Variants in GRM7 observed in about 807,000 individuals in gnomAD.
GRM7 encodes metabotropic glutamate receptor 7.
A neutral mutation model predicts 84.5 loss-of-function variants in GRM7; 35 were observed. The observed-to-expected ratio is 0.41, with a 90% CI of 0.32 to 0.55. The LOEUF (loss-of-function observed/expected upper bound fraction) is 0.55, where lower values mean the gene tolerates loss of function less well. GRM7 is among the 20% of genes least tolerant of loss of function. GRM7 has a pLI of 0.19. For missense variants in GRM7, 1,003 were observed against 1,194.6 expected (o/e 0.84, Z 2.36); for synonymous variants, 487 against 455.1 (o/e 1.07, Z -0.89).
intron 9 of GRM7, among the ~76,000 whole-genome samples, chr3:7,731,614 G>C (rs1165107928): frequency 6.6e-6 from 1 of 152,144 alleles, no homozygotes; most frequent in African/African-American, 2.4e-5. Context: ...AGGCCACCAG[G>C]CTAGGAGGAG....
chr3:7,545,551 G>GT (rs935986095), intron 7 of GRM7, among the ~76,000 whole-genome samples: 1 of 152,152 alleles, frequency 6.6e-6, no homozygotes, highest in Non-Finnish European at 1.5e-5. Context: ...TATTCAGCTT[G>GT]TTTTTTAACC....
At chr3:7,630,197 G>A (rs1697804411) in intron 8 of GRM7, among the ~76,000 whole-genome samples, 1 of 152,188 alleles carries the variant, frequency 6.6e-6, no homozygotes, top group Non-Finnish European at 1.5e-5. Context: ...GGCTGGGGAT[G>A]GTGATGGTGG....
At chr3:7,467,913 A>G (rs1250919778) in intron 7 of GRM7, among the ~76,000 whole-genome samples, 1 of 152,214 alleles carries the variant, frequency 6.6e-6, no homozygotes, top group African/African-American at 2.4e-5. Context: ...ATTTTATTAA[A>G]CTGAGGTGAT....
intron 7 of GRM7, among the ~76,000 whole-genome samples, chr3:7,541,095 G>C (rs1411559523): frequency 1.3e-5 from 2 of 152,068 alleles, no homozygotes; most frequent in African/African-American, 2.4e-5. Flanking sequence ...GGAAAAGTCA[G>C]GAGTTTGGCA....
At chr3:7,490,286 T>C (rs1699473612) in intron 7 of GRM7, among the ~76,000 whole-genome samples, 1 of 152,180 alleles carries the variant, frequency 6.6e-6, no homozygotes, top group Non-Finnish European at 1.5e-5. Flanking sequence ...AAAAATAAAG[T>C]TATAGCACAA....
rs997851924 is a variant in GRM7 at position 7,298,722 on chromosome 3, G to A, written c.775G>A (p.Glu259Lys). The change falls in exon 3 of 10, where the codon GAA (glutamate) becomes AAA (lysine). Residue 259 changes from glutamate to lysine, a missense_variant. This residue lies in a region of GRM7 where 910 missense variants were observed against 1,126.0 expected (regional missense o/e 0.81). Coordinates refer to ENST00000357716, the MANE Select transcript of GRM7 (RefSeq NM_000844.4). ...TGCCCAGTCCGTGAGAATCCCCCAG[G>A]AACGCAAAGACAGGACCATTGACTT... ...CIAQSVRIPQ[E>K]RKDRTIDFDR... The A allele has an allele frequency of 8.7e-6, 14 of 1,613,260 alleles. No individual in the cohort carries two copies. The highest frequency in any genetic ancestry group is 1.2e-5 in the Non-Finnish European group (14 of 1,179,458).
intron 5 of GRM7, among the ~76,000 whole-genome samples, chr3:7,430,630 A>G (rs182738307): frequency 2.0e-4 from 30 of 152,300 alleles, no homozygotes; most frequent in African/African-American, 7.0e-4. Context: ...ATGAAAACAT[A>G]TGTCTACAAA....
chr3:7,103,854 C>CTCTCTCTTTCTT (rs1699209352), intron 1 of GRM7, among the ~76,000 whole-genome samples: 4 of 123,672 alleles, frequency 3.2e-5, no homozygotes, highest in East Asian at 2.3e-4. Context: ...CTCTCTCTCT[C>CTCTCTCTTTCTT]TCTTTCTTTC....
At chr3:6,883,320 T>G (rs1225830792) in intron 1 of GRM7, among the ~76,000 whole-genome samples, 1 of 152,118 alleles carries the variant, frequency 6.6e-6, no homozygotes, top group East Asian at 1.9e-4. Context: ...TTTTCTTTTT[T>G]AATTTATAAA....
intron 9 of GRM7, among the ~76,000 whole-genome samples, chr3:7,730,755 G>C (rs1484465353): frequency 6.6e-6 from 1 of 152,126 alleles, no homozygotes; most frequent in Admixed American, 6.5e-5. Context: ...TCACAGCTTC[G>C]ATCTTTGATG....
intron 4 of GRM7, among the ~76,000 whole-genome samples, chr3:7,402,429 A>G (rs1263336377): frequency 6.6e-6 from 1 of 152,186 alleles, no homozygotes; most frequent in African/African-American, 2.4e-5. Context: ...TTAGTAACTC[A>G]GGTGGTGAGA....
intron 4 of GRM7, among the ~76,000 whole-genome samples, chr3:7,357,988 A>C (rs1693484826): frequency 6.6e-6 from 1 of 152,098 alleles, no homozygotes; most frequent in African/African-American, 2.4e-5. Context: ...CAGGCATGTG[A>C]CATTATGACC....
intron 9 of GRM7, among the ~76,000 whole-genome samples, chr3:7,693,857 G>A (rs1009411697): frequency 6.6e-6 from 1 of 152,096 alleles, no homozygotes; most frequent in African/African-American, 2.4e-5. Flanking sequence ...CATAATTAAG[G>A]AAATTGCACT....
At chr3:7,434,421 A>G in intron 5 of GRM7, among the ~76,000 whole-genome samples, 1 of 152,130 alleles carries the variant, frequency 6.6e-6, no homozygotes, top group Non-Finnish European at 1.5e-5. Flanking sequence ...AGCTGTAGAG[A>G]TTTTGCAAAT....
intron 8 of GRM7, among the ~76,000 whole-genome samples, chr3:7,596,151 G>A (rs1696031210): frequency 6.6e-6 from 1 of 152,170 alleles, no homozygotes; most frequent in Non-Finnish European, 1.5e-5. Context: ...AGAATCTGGT[G>A]ATTGATGCTA....
intron 2 of GRM7, among the ~76,000 whole-genome samples, chr3:7,255,262 T>C (rs1043409693): frequency 6.6e-6 from 1 of 152,210 alleles, no homozygotes; most frequent in African/African-American, 2.4e-5. Context: ...AAAGGCTAAA[T>C]AGTGTACATG....
intron 8 of GRM7, among the ~76,000 whole-genome samples, chr3:7,615,845 C>A (rs1404830932): frequency 6.6e-6 from 1 of 151,794 alleles, no homozygotes; most frequent in Non-Finnish European, 1.5e-5. Context: ...TCCTCAATGC[C>A]TTGAAGAAGG....
At chr3:7,049,581 A>G (rs1002371567) in intron 1 of GRM7, among the ~76,000 whole-genome samples, 8 of 151,940 alleles carry the variant, frequency 5.3e-5, no homozygotes, top group Admixed American at 1.3e-4. Context: ...ATATATAACA[A>G]GGGAGGCAGC....
rs1338255826 is a variant in GRM7 at position 7,416,054 on chromosome 3, C to T, written c.1174+891C>T. 2.6e-5 allele frequency among the ~76,000 whole-genome samples: 4 copies of T among 152,034 alleles called. No individual in the cohort carries two copies. The East Asian group carries it at 7.7e-4, about 29-fold the overall frequency. On this transcript the variant is annotated intron_variant, in intron 5 of 9. Transcript: ENST00000357716. ...GGGAAGGAAAATAGGTTGGAGAATT[C>T]TGATTAAACACGGTAAATGGCTTGC...
Sources: allele counts gnomAD v4.1 joint callset (sites outside exome capture counted in the v4.1 genomes callset), GRCh38; gene constraint gnomAD v4.1.1; regional missense constraint gnomAD v4.1.1; transcripts MANE v1.5; gene names NCBI Gene and HGNC (gene_info 2026-07-23, HGNC 2026-07-21).